The following CNOT4 variants were observed in gnomAD, a reference collection of about 807,000 sequenced individuals.
The protein encoded by CNOT4 is CCR4-associated factor 4.
In CNOT4, 8 loss-of-function variants were observed where a neutral mutation model predicts 73.8. The ratio of observed to expected loss-of-function variants is 0.11; its 90% CI spans 0.06 to 0.20. The LOEUF (loss-of-function observed/expected upper bound fraction) is 0.20, where lower values mean the gene tolerates loss of function less well. Ranked by LOEUF, CNOT4 falls within the 10% of genes least tolerant of loss-of-function variation. The probability of loss-of-function intolerance (pLI) is 1.00; values close to 1 mark genes in which losing one functional copy is unlikely to be tolerated. For synonymous variants in CNOT4, 293 were observed against 321.1 expected, an observed-to-expected ratio of 0.91 and a Z score of 0.94; for missense variants, 564 against 883.4, an observed-to-expected ratio of 0.64 and a Z score of 4.58.
At chr7:135,444,591 CA>C in intron 1 of CNOT4, 1 of 1,351,812 alleles carries the variant, frequency 7.4e-7, no homozygotes, top group South Asian at 1.2e-5. Context: ...ATGTGGAGTA[CA>C]GCACATACAC....
At chr7:135,389,129 C>T (rs555574118) in intron 10 of CNOT4, among the ~76,000 whole-genome samples, 2 of 43,266 alleles carry the variant, frequency 4.6e-5, no homozygotes, top group Admixed American at 3.0e-4. Context: ...AGAACAAATA[C>T]AATAGATTTA....
intron 1 of CNOT4, among the ~76,000 whole-genome samples, chr7:135,462,370 A>C (rs541770666): frequency 1.3e-5 from 2 of 152,294 alleles, no homozygotes; most frequent in African/African-American, 4.8e-5. Context: ...CCCTCGATCC[A>C]ATCTCCTTAT....
At position 135,422,372 on chromosome 7, in the gene CNOT4, C is replaced by T. The variant is rs373290177; in HGVS notation, c.175-19G>A. On this transcript the variant is annotated intron_variant, in intron 2 of 11. Transcript: ENST00000541284. ...GATATGGCTTTAAGCATGAAACAAA[C>T]ATAGACGTTAGCATTAAATTAATTA... 6.0e-5 allele frequency: 69 copies of T among 1,149,720 alleles called. No homozygotes were observed. In the African/African-American group the frequency reaches 9.4e-4, roughly 16 times the overall value. 71.2% of individuals were successfully genotyped at this position (1,149,720 alleles called of 1,614,324 possible).
At chr7:135,415,952 T>C (rs936983010) in intron 3 of CNOT4, among the ~76,000 whole-genome samples, 1 of 152,174 alleles carries the variant, frequency 6.6e-6, no homozygotes. Context: ...TGGTGGTACC[T>C]ACGTACCTCA....
Position 135,362,948 on chromosome 7 carries a change from G to A in CNOT4, c.2079C>T (p.Ala693=), listed in dbSNP as rs1563005477. ...FHSPPPGFQT[A]FRPPSKTPTD... ...TGGGGGTTTTGCTGGGGGGTCTGAA[G>A]GCTGTCTGAAAGCCTGGGGGTGGGG... Residue 693 remains alanine (A), a synonymous_variant, in exon 12 of 12, where the codon GCC becomes GCT. Coordinates refer to ENST00000541284, the MANE Select transcript of CNOT4 (RefSeq NM_001190850.2). 3.7e-6 allele frequency: 6 copies of A among 1,613,570 alleles called. No homozygotes were observed. Among genetic ancestry groups the A allele is most frequent in the Non-Finnish European group, 2.5e-6 (3 of 1,179,758 alleles).
intron 1 of CNOT4, among the ~76,000 whole-genome samples, chr7:135,493,934 G>A (rs942953365): frequency 4.6e-5 from 7 of 152,134 alleles, no homozygotes; most frequent in Non-Finnish European, 4.4e-5. Context: ...AAGCGCTCAC[G>A]GATAGGCTTT....
intron 1 of CNOT4, among the ~76,000 whole-genome samples, chr7:135,485,930 A>G (rs1802691383): frequency 6.6e-6 from 1 of 152,226 alleles, no homozygotes; most frequent in African/African-American, 2.4e-5. Flanking sequence ...GAACTGCTAT[A>G]CTGAACCTCA....
chr7:135,495,504 CAA>C (rs150007748), intron 1 of CNOT4, among the ~76,000 whole-genome samples: 1,210 of 54,656 alleles, frequency 0.022, 14 homozygotes, highest in African/African-American at 0.082. Context: ...GACTCTGCCT[CAA>C]AAAAAAAAAA....
At chr7:135,507,784 T>C (rs1406156545) in intron 1 of CNOT4, among the ~76,000 whole-genome samples, 2 of 152,144 alleles carry the variant, frequency 1.3e-5, no homozygotes, top group Non-Finnish European at 2.9e-5. Context: ...ACAAAAAGTA[T>C]ATTTTTTAGA....
intron 1 of CNOT4, among the ~76,000 whole-genome samples, chr7:135,439,072 T>C (rs183859816): frequency 1.1e-3 from 172 of 152,232 alleles, no homozygotes; most frequent in African/African-American, 4.0e-3. Flanking sequence ...AGGGAAGAAA[T>C]AGACCTTCAT....
intron 10 of CNOT4, chr7:135,384,440 A>G (rs368935017): frequency 1.6e-5 from 7 of 428,288 alleles, no homozygotes; most frequent in East Asian, 1.4e-4. Context: ...GCCCGCCACC[A>G]CGCCCAGCTA....
intron 3 of CNOT4, among the ~76,000 whole-genome samples, chr7:135,416,142 T>C (rs1416065508): frequency 6.6e-6 from 1 of 152,174 alleles, no homozygotes; most frequent in Non-Finnish European, 1.5e-5. Flanking sequence ...TCTCTCCAAA[T>C]AGCAAGCTCT....
intron 1 of CNOT4, among the ~76,000 whole-genome samples, chr7:135,452,061 A>G (rs1800204118): frequency 6.6e-6 from 1 of 152,114 alleles, no homozygotes; most frequent in African/African-American, 2.4e-5. Context: ...CAGCCTGGGC[A>G]ACATAGCGAG....
chr7:135,430,452 A>C (rs1007211612), intron 2 of CNOT4, among the ~76,000 whole-genome samples: 1 of 152,130 alleles, frequency 6.6e-6, no homozygotes, highest in East Asian at 1.9e-4. Flanking sequence ...AACCTGGGCA[A>C]CATAGCGAGC....
At chr7:135,376,207 G>C (rs1795509795) in intron 10 of CNOT4, among the ~76,000 whole-genome samples, 2 of 152,184 alleles carry the variant, frequency 1.3e-5, no homozygotes, top group South Asian at 2.1e-4. Context: ...ACACATCCAT[G>C]CTTTGCAGGC....
rs1263639472 is a variant in CNOT4, at chr7:135,388,585, A to C, written c.1627+5333T>G. 2.6e-6 allele frequency: 3 copies of C among 1,161,166 alleles called. No individual in the cohort carries two copies. The East Asian group carries it at 1.2e-4, about 45-fold the overall frequency. 71.9% of individuals were successfully genotyped at this position (1,161,166 alleles called of 1,614,324 possible). A position where few individuals can be genotyped will look rare whatever the true frequency, so the allele number is the denominator to read the frequency against. ...GTATCACTCATGAGAAACAATGCCA[A>C]AATTATTACACTAATAAATTATGTT... On this transcript the variant is annotated intron_variant, in intron 10 of 11. Coordinates refer to ENST00000541284, the MANE Select transcript of CNOT4 (RefSeq NM_001190850.2).
chr7:135,420,717 CT>C (rs1193390580), intron 3 of CNOT4, among the ~76,000 whole-genome samples: 1 of 151,044 alleles, frequency 6.6e-6, no homozygotes, highest in Non-Finnish European at 1.5e-5. Flanking sequence ...CTTTTTAACT[CT>C]ATTTAATAGA....
chr7:135,496,670 A>G (rs566653730), intron 1 of CNOT4, among the ~76,000 whole-genome samples: 12 of 152,048 alleles, frequency 7.9e-5, no homozygotes, highest in Non-Finnish European at 1.5e-5. Context: ...TTTCCCTTAG[A>G]AAATCTCTTC....
chr7:135,453,490 G>C (rs1463780852), intron 1 of CNOT4, among the ~76,000 whole-genome samples: 2 of 151,578 alleles, frequency 1.3e-5, no homozygotes, highest in East Asian at 3.9e-4. Context: ...CACCACTTCT[G>C]CAGTTTTACT....
Sources: gnomAD v4.1 joint callset for allele counts (sites outside exome capture counted in the v4.1 genomes callset) on GRCh38, gnomAD v4.1.1 for gene constraint, MANE v1.5 for transcripts, NCBI Gene and HGNC (gene_info 2026-07-23, HGNC 2026-07-21) for gene names.